The following PIBF1 variants were observed in gnomAD, a reference collection of about 807,000 sequenced individuals.
PIBF1 encodes the protein progesterone-induced-blocking factor 1.
A neutral mutation model predicts 112.5 loss-of-function variants in PIBF1; 90 were observed. That is an observed-to-expected ratio of 0.80 (90% confidence interval 0.67 to 0.95). PIBF1 has a LOEUF of 0.95. Ranked by LOEUF, PIBF1 falls within the 40% of genes least tolerant of loss-of-function variation. The pLI is 0.00. For missense variants in PIBF1, 915 were observed against 852.3 expected, an observed-to-expected ratio of 1.07 and a Z score of -0.92; for synonymous variants, 301 against 288.6, an observed-to-expected ratio of 1.04 and a Z score of -0.44.
intron 10 of PIBF1, among the ~76,000 whole-genome samples, chr13:72,857,616 A>G (rs907899548): frequency 6.6e-6 from 1 of 152,218 alleles, no homozygotes; most frequent in African/African-American, 2.4e-5. Context: ...AGTTGGTTGG[A>G]TCACCTGAGG....
intron 10 of PIBF1, among the ~76,000 whole-genome samples, chr13:72,864,527 AGAGT>A (rs1222630148): frequency 1.3e-5 from 2 of 152,158 alleles, no homozygotes; most frequent in Non-Finnish European, 2.9e-5. Context: ...AGAGAAAGTA[AGAGT>A]GAGTTGTGTG....
At chr13:72,931,821 G>A (rs1370924197) in intron 14 of PIBF1, among the ~76,000 whole-genome samples, 2 of 147,386 alleles carry the variant, frequency 1.4e-5, no homozygotes, top group Admixed American at 6.9e-5. Flanking sequence ...TTTGAAATGC[G>A]AGTCATAAAA....
chr13:72,873,399 T>A (rs779870300), intron 10 of PIBF1, among the ~76,000 whole-genome samples: 2 of 152,092 alleles, frequency 1.3e-5, no homozygotes, highest in Non-Finnish European at 2.9e-5. Context: ...TAAGAAAAAC[T>A]TGTTTTCTTT....
chr13:72,892,806 ACACG>A (rs1442514956), intron 10 of PIBF1, among the ~76,000 whole-genome samples: 73 of 147,402 alleles, frequency 5.0e-4, no homozygotes, highest in African/African-American at 1.0e-3. Flanking sequence ...ACACACACAC[ACACG>A]CACACGCACA....
intron 14 of PIBF1, among the ~76,000 whole-genome samples, chr13:72,953,715 G>A (rs139230559): frequency 5.3e-4 from 80 of 152,292 alleles, no homozygotes; most frequent in African/African-American, 1.9e-3. Context: ...GCATGCAGAA[G>A]TTTTCTCCTT....
In PIBF1 at chr13:72,880,900, G is replaced by T. The variant is rs115926202; in HGVS notation, c.1323-12884G>T. On this transcript the variant is annotated intron_variant, in intron 10 of 17. Coordinates refer to ENST00000326291, the MANE Select transcript of PIBF1 (RefSeq NM_006346.4). ...CAGATTTCAGCTTTGCTACTTACTT[G>T]GGCAAGTTGTTAACTTCTCTGAGTC... 6.9e-3 allele frequency among the ~76,000 whole-genome samples: 1,050 copies of T among 152,136 alleles called. 14 individuals are homozygous for T. The highest frequency in any genetic ancestry group is 0.024 in the African/African-American group (1,013 of 41,496).
At chr13:72,884,853 G>A (rs141532037) in intron 10 of PIBF1, among the ~76,000 whole-genome samples, 143 of 152,138 alleles carry the variant, frequency 9.4e-4, no homozygotes, top group African/African-American at 3.0e-3. Context: ...GTAATTATTT[G>A]GTCCATTAAG....
At chr13:72,993,517 A>G (rs2043546957) in intron 16 of PIBF1, among the ~76,000 whole-genome samples, 2 of 152,094 alleles carry the variant, frequency 1.3e-5, no homozygotes, top group Non-Finnish European at 2.9e-5. Context: ...AAGAAAGAAA[A>G]TACCTACAAG....
chr13:72,849,943 G>T (rs1484058163), intron 9 of PIBF1, among the ~76,000 whole-genome samples: 1 of 152,184 alleles, frequency 6.6e-6, no homozygotes, highest in Non-Finnish European at 1.5e-5. Flanking sequence ...TATGTAAAGT[G>T]CTTAGGACGG....
chr13:73,000,025 G>A (rs1368811849), intron 17 of PIBF1, among the ~76,000 whole-genome samples: 19 of 152,202 alleles, frequency 1.2e-4, no homozygotes, highest in Non-Finnish European at 2.5e-4. Context: ...TGGCGAGAGA[G>A]TGAAACTCTG....
chr13:72,943,686 C>T (rs1182527321), intron 14 of PIBF1, among the ~76,000 whole-genome samples: 2 of 152,168 alleles, frequency 1.3e-5, no homozygotes, highest in South Asian at 2.1e-4. Context: ...GCTGTCTCCT[C>T]CCACCACTTT....
chr13:72,947,541 G>A (rs530580600), intron 14 of PIBF1, among the ~76,000 whole-genome samples: 128 of 152,292 alleles, frequency 8.4e-4, no homozygotes, highest in African/African-American at 3.0e-3. Flanking sequence ...CCCAGAAAAT[G>A]AGGTTTTCTT....
chr13:72,885,634 GTGT>G (rs2039820000), intron 10 of PIBF1, among the ~76,000 whole-genome samples: 5 of 152,224 alleles, frequency 3.3e-5, no homozygotes, highest in South Asian at 2.1e-4. Context: ...ATTGTACAGT[GTGT>G]TGTTGTGAGC....
At chr13:72,907,356 C>T (rs1383616868) in intron 11 of PIBF1, among the ~76,000 whole-genome samples, 1 of 152,018 alleles carries the variant, frequency 6.6e-6, no homozygotes, top group African/African-American at 2.4e-5. Context: ...GTATTGTGAA[C>T]TTTATGTCAT....
rs116147965 is a variant in PIBF1 at position 72,834,180 on chromosome 13, G to A, written c.1098-1063G>A. The stretch of plus-strand genomic sequence containing the variant: ...GTGTGAAATGTAAAAGAATTATGAG[G>A]AGATGGTATCGCATTGTGTTTTAAC... On this transcript the variant is annotated intron_variant, in intron 8 of 17. Transcript: ENST00000326291. Among the ~76,000 whole-genome samples, 1,166 of 152,262 alleles carry A rather than the reference G, an allele frequency of 7.7e-3. 17 individuals carry two copies. Among genetic ancestry groups the A allele is most frequent in the African/African-American group, 0.027 (1,131 of 41,550 alleles).
At chr13:72,806,903 G>A (rs574040389) in intron 5 of PIBF1, among the ~76,000 whole-genome samples, 3 of 151,592 alleles carry the variant, frequency 2.0e-5, no homozygotes, top group African/African-American at 7.3e-5. Context: ...GGGTCAGATG[G>A]TATTTCTAGT....
At chr13:72,868,093 A>G (rs946816645) in intron 10 of PIBF1, among the ~76,000 whole-genome samples, 1 of 152,138 alleles carries the variant, frequency 6.6e-6, no homozygotes, top group Non-Finnish European at 1.5e-5. Flanking sequence ...GGAGGCCAGG[A>G]GTTCAGGAAC....
At chr13:72,919,458 A>G (rs1360351495) in intron 13 of PIBF1, among the ~76,000 whole-genome samples, 1 of 152,242 alleles carries the variant, frequency 6.6e-6, no homozygotes, top group African/African-American at 2.4e-5. Context: ...CATTTCCTCT[A>G]AAAGTCACAA....
chr13:72,924,237 CCTT>C (rs1333699651), intron 13 of PIBF1, among the ~76,000 whole-genome samples: 1 of 151,952 alleles, frequency 6.6e-6, no homozygotes, highest in Non-Finnish European at 1.5e-5. Context: ...AAGACATTTG[CCTT>C]CTTCTTTGTG....
Sources: allele counts gnomAD v4.1 joint callset (sites outside exome capture counted in the v4.1 genomes callset), GRCh38; gene constraint gnomAD v4.1.1; transcripts MANE v1.5; gene names NCBI Gene and HGNC (gene_info 2026-07-23, HGNC 2026-07-21).